Variants in CAPN8 observed in about 807,000 individuals in gnomAD.
The protein encoded by CAPN8 is calpain-8.
Under a neutral mutation model 80.9 loss-of-function variants are expected in CAPN8, and 87 were observed. The ratio of observed to expected loss-of-function variants is 1.07; its 90% confidence interval spans 0.90 to 1.28. The LOEUF is 1.28. Ranked by LOEUF, CAPN8 falls within the 50% of genes most tolerant of loss-of-function variation. The pLI is 0.00. For synonymous variants in CAPN8, 299 were observed against 273.8 expected (o/e 1.09, Z -0.91); for missense variants, 757 against 702.0 (o/e 1.08, Z -0.89).
At chr1:223,664,238 C>T (rs1658728350) in intron 1 of CAPN8, among the ~76,000 whole-genome samples, 1 of 152,148 alleles carries the variant, frequency 6.6e-6, no homozygotes, top group African/African-American at 2.4e-5. Flanking sequence ...TCCACAGAGC[C>T]CCAGCTCCCA....
chr1:223,612,449 A>G (rs1657053277), intron 10 of CAPN8, among the ~76,000 whole-genome samples, 192 bp from the exon 11 acceptor site: 1 of 152,138 alleles, frequency 6.6e-6, no homozygotes, highest in Non-Finnish European at 1.5e-5. Flanking sequence ...AAGGCCATCT[A>G]TAAATAGGAT....
At chr1:223,656,675 T>G (rs981601849) in intron 1 of CAPN8, among the ~76,000 whole-genome samples, 7 of 94,088 alleles carry the variant, frequency 7.4e-5, no homozygotes, top group East Asian at 4.2e-4. Flanking sequence ...TGGGTTTTTT[T>G]GTTTTGTTTT....
At chr1:223,634,894 T>G (rs1329854477) in intron 2 of CAPN8, among the ~76,000 whole-genome samples, 1 of 152,076 alleles carries the variant, frequency 6.6e-6, no homozygotes, top group Non-Finnish European at 1.5e-5. Flanking sequence ...ACCACTCAAA[T>G]AGAGTAATTG....
intron 13 of CAPN8, among the ~76,000 whole-genome samples, chr1:223,554,484 G>C (rs1656863017): frequency 2.0e-5 from 3 of 152,166 alleles, no homozygotes; most frequent in African/African-American, 7.2e-5. Context: ...GCTGGGTGTA[G>C]TGGTGCACGC....
chr1:223,625,337 C>A (rs1657536282), intron 6 of CAPN8, among the ~76,000 whole-genome samples: 1 of 152,200 alleles, frequency 6.6e-6, no homozygotes, highest in African/African-American at 2.4e-5. Context: ...CTGGCTGCAT[C>A]TAAGGAGAGG....
chr1:223,621,856 GCTAATTAT>G, intron 7 of CAPN8, among the ~76,000 whole-genome samples: 1 of 152,140 alleles, frequency 6.6e-6, no homozygotes, highest in African/African-American at 2.4e-5. Context: ...CATGAGACTG[GCTAATTAT>G]TTTTTTTTTT....
At chr1:223,640,613 T>C (rs1466761734) in intron 2 of CAPN8, among the ~76,000 whole-genome samples, 1 of 152,156 alleles carries the variant, frequency 6.6e-6, no homozygotes, top group African/African-American at 2.4e-5. Flanking sequence ...GCTTCCCAAG[T>C]GCTTTTGATT....
intron 7 of CAPN8, among the ~76,000 whole-genome samples, chr1:223,620,801 C>G (rs1310307589): frequency 2.0e-5 from 3 of 152,136 alleles, no homozygotes; most frequent in Non-Finnish European, 4.4e-5. Flanking sequence ...GGCAATTTCC[C>G]AGAAGAAACG....
chr1:223,652,509 A>G (rs1345682292), intron 2 of CAPN8, among the ~76,000 whole-genome samples: 4 of 152,116 alleles, frequency 2.6e-5, no homozygotes, highest in African/African-American at 7.2e-5. Context: ...CTTTGGGACT[A>G]CACACGGTAT....
Position 223,628,002 on chromosome 1 carries a change from C to A in CAPN8, c.560+7G>T. Reference sequence around the variant, plus strand: ...GCGTCTCCCAGCTCCTGGCTTCCCCCACTTACTTGGCATAGGCTTTCTCCA... The same window carrying A: ...GCGTCTCCCAGCTCCTGGCTTCCCCAACTTACTTGGCATAGGCTTTCTCCA... On this transcript the variant is annotated splice_region_variant and intron_variant, in intron 4 of 20. Coordinates refer to ENST00000366872, the MANE Select transcript of CAPN8 (RefSeq NM_001143962.2). 6.5e-7 allele frequency: 1 copy of A among 1,530,328 alleles called. No homozygotes were observed. The highest frequency in any genetic ancestry group is 2.0e-5 in the Admixed American group (1 of 49,492). 94.8% of individuals were successfully genotyped at this position (1,530,328 alleles called of 1,614,324 possible). A position where few individuals can be genotyped will look rare whatever the true frequency, so the allele number is the denominator to read the frequency against.
intron 14 of CAPN8, among the ~76,000 whole-genome samples, chr1:223,553,213 A>C (rs1185176367): frequency 6.6e-6 from 1 of 151,870 alleles, no homozygotes; most frequent in Non-Finnish European, 1.5e-5. Flanking sequence ...TTATGCTTTG[A>C]CTTGTGGCCC....
chr1:223,646,565 G>A (rs1314968907), intron 2 of CAPN8, among the ~76,000 whole-genome samples: 1 of 152,190 alleles, frequency 6.6e-6, no homozygotes, highest in African/African-American at 2.4e-5. Context: ...TGAGCCTTGG[G>A]GACTGGGACA....
At chr1:223,558,639 T>C (rs1036621024) in intron 12 of CAPN8, among the ~76,000 whole-genome samples, 3 of 151,942 alleles carry the variant, frequency 2.0e-5, no homozygotes, top group Non-Finnish European at 4.4e-5. Context: ...ATAGTGTGTA[T>C]GTGGTATGAG....
At chr1:223,652,788 C>G (rs1182271409) in intron 2 of CAPN8, among the ~76,000 whole-genome samples, 1 of 152,044 alleles carries the variant, frequency 6.6e-6, no homozygotes, top group African/African-American at 2.4e-5. Flanking sequence ...CTGGGCTCCC[C>G]GGGGCAGCCA....
chr1:223,625,945 G>C, intron 5 of CAPN8, 57 bp from the exon 6 acceptor site: 1 of 1,396,754 alleles, frequency 7.2e-7, no homozygotes. Context: ...GGGGCCGGCC[G>C]TAGAATGCTT....
At position 223,609,200 on chromosome 1, in the gene CAPN8, G is replaced by T; in HGVS notation, c.1488C>A (p.Asp496Glu). 1 of 398,384 alleles carries T rather than the reference G, an allele frequency of 2.5e-6. No homozygotes were observed. The highest frequency in any genetic ancestry group is 4.4e-6 in the Non-Finnish European group (1 of 226,062). 24.7% of individuals were successfully genotyped at this position (398,384 alleles called of 1,614,324 possible). The change falls in exon 12 of 21, where the codon GAC becomes GAA. Residue 496 changes from aspartate to glutamate, a missense_variant. Physicochemically the swap from Asp to Glu is conservative, Grantham distance 45. Coordinates refer to ENST00000366872, the MANE Select transcript of CAPN8 (RefSeq NM_001143962.2). Reference protein sequence around the residue: ...VVPSTFEPFKDGEFCLRVFSE... With the variant: ...VVPSTFEPFKEGEFCLRVFSE... ...AGAACACTCTCAAGCAGAACTCGCC[G>T]TCTTTGAAGGGTTCAAATGTGGATG...
chr1:223,609,457 T>A, intron 11 of CAPN8, 93 bp from the exon 12 acceptor site: 1 of 397,992 alleles, frequency 2.5e-6, no homozygotes, highest in Non-Finnish European at 4.4e-6. Context: ...TTAGGAATTA[T>A]TGATTTTTAC....
At chr1:223,615,074 G>A (rs1396637902) in intron 10 of CAPN8, among the ~76,000 whole-genome samples, 1 of 152,188 alleles carries the variant, frequency 6.6e-6, no homozygotes, top group Non-Finnish European at 1.5e-5. Context: ...ATAAAGTGTG[G>A]GGTGCAGATA....
At chr1:223,633,163 G>A (rs1657821498) in intron 2 of CAPN8, among the ~76,000 whole-genome samples, 1 of 152,138 alleles carries the variant, frequency 6.6e-6, no homozygotes, top group African/African-American at 2.4e-5. Context: ...GCTTCTTGTA[G>A]CCCAAGGTTT....
Sources: gnomAD v4.1 joint callset for allele counts (sites outside exome capture counted in the v4.1 genomes callset) on GRCh38, gnomAD v4.1.1 for gene constraint, MANE v1.5 for transcripts, NCBI Gene and HGNC (gene_info 2026-07-23, HGNC 2026-07-21) for gene names.